The following MYH15 variants were observed in gnomAD, a reference collection of about 807,000 sequenced individuals.
MYH15 encodes the protein myosin-15.
A neutral mutation model predicts 240.5 loss-of-function variants in MYH15; 227 were observed. That is an observed-to-expected ratio of 0.94 (90% CI 0.85 to 1.05). The LOEUF is 1.05. Ranked by LOEUF, MYH15 falls within the 50% of genes least tolerant of loss-of-function variation. The pLI is 0.00. For missense variants in MYH15, 2,217 were observed against 2,247.5 expected (o/e 0.99, Z 0.27); for synonymous variants, 785 against 796.7 (o/e 0.99, Z 0.25).
chr3:108,501,491 C>A (rs2083437586), intron 3 of MYH15, among the ~76,000 whole-genome samples: 1 of 152,174 alleles, frequency 6.6e-6, no homozygotes. Context: ...AGGCTCTAAG[C>A]CTCATGCTTT....
chr3:108,415,692 C>T (rs1004204351), intron 29 of MYH15, among the ~76,000 whole-genome samples: 5 of 152,082 alleles, frequency 3.3e-5, no homozygotes, highest in African/African-American at 9.7e-5. Context: ...TCTAAGACTT[C>T]GGTGAAGGGC....
chr3:108,470,918 A>C, intron 12 of MYH15, 71 bp from the exon 13 acceptor site: 1 of 1,500,912 alleles, frequency 6.7e-7, no homozygotes, highest in South Asian at 1.3e-5. Flanking sequence ...ATTCTCTATC[A>C]GCAACTGCCT....
chr3:108,432,728 G>A (rs988437684), intron 25 of MYH15, among the ~76,000 whole-genome samples: 6 of 152,316 alleles, frequency 3.9e-5, no homozygotes, highest in Middle Eastern at 3.4e-3. Flanking sequence ...GCTTCAGAGG[G>A]TGCAAGCCCC....
chr3:108,466,465 T>C (rs1429428259), intron 14 of MYH15, among the ~76,000 whole-genome samples: 5 of 152,194 alleles, frequency 3.3e-5, no homozygotes, highest in Non-Finnish European at 7.3e-5. Flanking sequence ...AGGCCTAAAA[T>C]TAAGGCCCAA....
rs138116353 is a variant in MYH15 at position 108,495,703 on chromosome 3, C to G, written c.711+77G>C. 7,135 of 1,099,774 alleles carry G rather than the reference C, an allele frequency of 6.5e-3. 31 individuals carry two copies. The highest frequency in any genetic ancestry group is 8.1e-3 in the Non-Finnish European group (6,172 of 762,776). 68.1% of individuals were successfully genotyped at this position (1,099,774 alleles called of 1,614,324 possible). On this transcript the variant is annotated intron_variant, in intron 7 of 40. Transcript: ENST00000693548. ...TTTGGTGTTCTATAATTTTTTCATACCTATGTGCTTACATATAAGTTTTAC... is the reference window on the plus strand; with the variant it reads ...TTTGGTGTTCTATAATTTTTTCATAGCTATGTGCTTACATATAAGTTTTAC...
At chr3:108,458,759 A>G (rs568350133) in intron 18 of MYH15, among the ~76,000 whole-genome samples, 1 of 152,214 alleles carries the variant, frequency 6.6e-6, no homozygotes, top group South Asian at 2.1e-4. Flanking sequence ...ACATTAAAAA[A>G]AAAAATCACT....
intron 14 of MYH15, among the ~76,000 whole-genome samples, chr3:108,468,912 T>C (rs2083145862): frequency 6.6e-6 from 1 of 152,230 alleles, no homozygotes; most frequent in South Asian, 2.1e-4. Context: ...GTTTCATTTC[T>C]AATGAGACAA....
intron 7 of MYH15, among the ~76,000 whole-genome samples, chr3:108,494,490 C>T (rs911848977): frequency 1.3e-5 from 2 of 151,646 alleles, no homozygotes; most frequent in African/African-American, 4.9e-5. Context: ...TTTCTGTTCT[C>T]TTTCAATTGC....
chr3:108,422,371 C>A (rs1418504090), intron 27 of MYH15, among the ~76,000 whole-genome samples: 1 of 152,112 alleles, frequency 6.6e-6, no homozygotes, highest in Admixed American at 6.5e-5. Context: ...GCATGCGCCA[C>A]CATGCCCAGC....
chr3:108,542,651 T>A, the MYH15 span, among the ~76,000 whole-genome samples: 1 of 152,108 alleles, frequency 6.6e-6, no homozygotes, highest in African/African-American at 2.4e-5. Flanking sequence ...ACCCATCACA[T>A]TGGTATTAGG....
chr3:108,382,027 C>A (rs2082347443), intron 40 of MYH15, among the ~76,000 whole-genome samples: 1 of 152,236 alleles, frequency 6.6e-6, no homozygotes, highest in Non-Finnish European at 1.5e-5. Context: ...GCAATTTCTA[C>A]TTCACTCACT....
At chr3:108,433,955 T>C (rs1319037760) in intron 25 of MYH15, among the ~76,000 whole-genome samples, 1 of 152,116 alleles carries the variant, frequency 6.6e-6, no homozygotes, top group Non-Finnish European at 1.5e-5. Flanking sequence ...TACTGACATA[T>C]GTTTGTGCTT....
At chr3:108,517,909 G>A (rs1468975061) in intron 1 of MYH15, among the ~76,000 whole-genome samples, 2 of 152,190 alleles carry the variant, frequency 1.3e-5, no homozygotes, top group Non-Finnish European at 2.9e-5. Context: ...CTATAATTCA[G>A]TATGATAAAT....
intron 9 of MYH15, among the ~76,000 whole-genome samples, chr3:108,488,496 C>T (rs541056387): frequency 4.6e-5 from 7 of 152,008 alleles, no homozygotes; most frequent in South Asian, 4.1e-4. Flanking sequence ...TTTGTAGAAA[C>T]GGGGTCTTGC....
In MYH15 at chr3:108,389,137, T is replaced by C. The variant is rs1444820084; in HGVS notation, c.5431-63A>G. 1.1e-5 allele frequency: 16 copies of C among 1,425,124 alleles called. No homozygotes were observed. The Admixed American group carries it at 1.7e-4, about 15-fold the overall frequency. The allele number at this position is 1,425,124 out of a possible 1,614,324, so 88.3% of individuals were successfully genotyped here. A position where few individuals can be genotyped will look rare whatever the true frequency, so the allele number is the denominator to read the frequency against. On this transcript the variant is annotated intron_variant, in intron 37 of 40. Transcript: ENST00000693548. Reference sequence around the variant, plus strand: ...CCAAGTCTGGCATTCTATTTGCTGATTGGCACAATCATTTGAAAGACAGCA... The same window carrying C: ...CCAAGTCTGGCATTCTATTTGCTGACTGGCACAATCATTTGAAAGACAGCA...
intron 16 of MYH15, among the ~76,000 whole-genome samples, chr3:108,462,725 G>A (rs551190266): frequency 9.2e-5 from 14 of 152,152 alleles, no homozygotes; most frequent in African/African-American, 3.1e-4. Flanking sequence ...AACCCTAAGT[G>A]CACAGAGTGC....
intron 9 of MYH15, among the ~76,000 whole-genome samples, chr3:108,487,370 A>G (rs2083314579): frequency 6.6e-6 from 1 of 152,252 alleles, no homozygotes; most frequent in Non-Finnish European, 1.5e-5. Flanking sequence ...TTAGAAAACA[A>G]GTCAAATAAC....
chr3:108,544,656 C>T, the MYH15 span, among the ~76,000 whole-genome samples: 1 of 152,134 alleles, frequency 6.6e-6, no homozygotes, highest in East Asian at 1.9e-4. Flanking sequence ...TGTTTTTACA[C>T]AGCCAGCTTC....
At chr3:108,514,990 T>G (rs2083549649), upstream of MYH15, among the ~76,000 whole-genome samples, 1 of 152,184 alleles carries the variant, frequency 6.6e-6, no homozygotes, top group African/African-American at 2.4e-5. Flanking sequence ...TATTGATAAT[T>G]AATTGTATAA....
Sources: gnomAD v4.1 joint callset for allele counts (sites outside exome capture counted in the v4.1 genomes callset) on GRCh38, gnomAD v4.1.1 for gene constraint, MANE v1.5 for transcripts, NCBI Gene and HGNC (gene_info 2026-07-23, HGNC 2026-07-21) for gene names.